DENND1A: variants seen among roughly 807,000 people sequenced by gnomAD.
The protein encoded by DENND1A is DENN domain containing 1A.
A neutral mutation model predicts 113.7 loss-of-function variants in DENND1A; 51 were observed. The ratio of observed to expected loss-of-function variants is 0.45; its 90% confidence interval spans 0.36 to 0.57. The LOEUF (loss-of-function observed/expected upper bound fraction) is 0.57, where lower values mean the gene tolerates loss of function less well. Among genes scored for constraint, DENND1A ranks in the 20% least tolerant of loss-of-function variants. The pLI, the probability that DENND1A is intolerant of heterozygous loss-of-function variation, is 0.00. For missense variants in DENND1A, 1,258 were observed against 1,395.9 expected, an observed-to-expected ratio of 0.90 and a Z score of 1.57; for synonymous variants, 565 against 570.8, an observed-to-expected ratio of 0.99 and a Z score of 0.14.
At chr9:123,750,098 T>C (rs1248087341) in intron 5 of DENND1A, among the ~76,000 whole-genome samples, 2 of 152,184 alleles carry the variant, frequency 1.3e-5, no homozygotes, top group South Asian at 2.1e-4. Flanking sequence ...CCAGCCCCCA[T>C]GGCCACTGCA....
At chr9:123,490,550 C>T (rs1293295425) in intron 13 of DENND1A, among the ~76,000 whole-genome samples, 1 of 152,046 alleles carries the variant, frequency 6.6e-6, no homozygotes, top group Non-Finnish European at 1.5e-5. Flanking sequence ...GATCATGCCA[C>T]TGCACTCCAG....
intron 9 of DENND1A, among the ~76,000 whole-genome samples, chr9:123,643,918 T>C (rs2062164131): frequency 6.6e-6 from 1 of 152,248 alleles, no homozygotes; most frequent in Non-Finnish European, 1.5e-5. Context: ...GCAGAGGTTC[T>C]TTATATTATT....
At chr9:123,782,276 C>T (rs569758297) in intron 3 of DENND1A, among the ~76,000 whole-genome samples, 6 of 152,066 alleles carry the variant, frequency 3.9e-5, no homozygotes, top group Admixed American at 6.6e-5. Flanking sequence ...ATGTTCTCAA[C>T]GCTTTACAAG....
chr9:123,755,450 T>C (rs1341124581), intron 5 of DENND1A, among the ~76,000 whole-genome samples: 1 of 151,722 alleles, frequency 6.6e-6, no homozygotes, highest in African/African-American at 2.4e-5. Flanking sequence ...GGCCAATATG[T>C]GGATTTTTTT....
intron 13 of DENND1A, chr9:123,485,656 G>GCGCGCGCGCGCACACACA (rs765633751): frequency 1.4e-5 from 2 of 141,156 alleles, no homozygotes; most frequent in East Asian, 4.1e-4. Context: ...GCGCGCGCGC[G>GCGCGCGCGCGCACACACA]CACACACACA....
intron 1 of DENND1A, among the ~76,000 whole-genome samples, chr9:123,903,395 C>T (rs1032503929): frequency 8.0e-5 from 12 of 150,890 alleles, no homozygotes; most frequent in African/African-American, 2.5e-4. Flanking sequence ...GGAACAGCCC[C>T]GGTATACAGC....
At chr9:123,762,384 A>C (rs576563459) in intron 4 of DENND1A, among the ~76,000 whole-genome samples, 1 of 152,308 alleles carries the variant, frequency 6.6e-6, no homozygotes, top group East Asian at 1.9e-4. Flanking sequence ...CTAAACCTTC[A>C]TGCTTCCTTT....
At chr9:123,900,068 G>C (rs1389004019) in intron 1 of DENND1A, among the ~76,000 whole-genome samples, 2 of 152,234 alleles carry the variant, frequency 1.3e-5, no homozygotes, top group East Asian at 3.9e-4. Flanking sequence ...TTACACCATA[G>C]ATAAAGCACA....
At chr9:123,531,600 C>G (rs1225253217) in intron 13 of DENND1A, among the ~76,000 whole-genome samples, 1 of 148,252 alleles carries the variant, frequency 6.7e-6, no homozygotes, top group African/African-American at 2.5e-5. Flanking sequence ...CACACACACA[C>G]ACAGAAGGCA....
At chr9:123,407,091 G>T (rs575728757) in intron 20 of DENND1A, among the ~76,000 whole-genome samples, 5 of 148,352 alleles carry the variant, frequency 3.4e-5, no homozygotes, top group Admixed American at 6.8e-5. Context: ...AAAGGAATGG[G>T]TTGGCAATCA....
chr9:123,893,022 AAAG>A (rs1850165186), intron 1 of DENND1A, among the ~76,000 whole-genome samples: 1 of 152,102 alleles, frequency 6.6e-6, no homozygotes, highest in South Asian at 2.1e-4. Flanking sequence ...TAAGAATAAA[AAAG>A]AATAAAGAAT....
chr9:123,879,030 G>T lies in DENND1A; in HGVS notation c.18-9C>A, dbSNP rs1847930309. 1.2e-6 allele frequency: 2 copies of T among 1,613,438 alleles called. No homozygotes were observed. Among genetic ancestry groups the T allele is most frequent in the Non-Finnish European group, 1.7e-6 (2 of 1,179,792 alleles). On this transcript the variant is annotated splice_polypyrimidine_tract_variant and intron_variant, in intron 1 of 23. Coordinates refer to ENST00000394215, the MANE Select transcript of DENND1A (RefSeq NM_001352964.2). ...TGGTCTCTGGATTCTGCCTACAAAA[G>T]AAACAGATCATGATTACTGACAAAG...
chr9:123,665,626 G>A (rs1482901470), intron 8 of DENND1A, among the ~76,000 whole-genome samples: 1 of 152,078 alleles, frequency 6.6e-6, no homozygotes, highest in African/African-American at 2.4e-5. Flanking sequence ...TTTCCTTTCT[G>A]TGAATCTACA....
At chr9:123,493,852 A>G (rs2051613797) in intron 13 of DENND1A, among the ~76,000 whole-genome samples, 2 of 151,988 alleles carry the variant, frequency 1.3e-5, no homozygotes, top group Admixed American at 6.6e-5. Context: ...CGCCCCCTCC[A>G]TTGCTTCACC....
chr9:123,631,902 T>C (rs2061491601), intron 9 of DENND1A, among the ~76,000 whole-genome samples: 1 of 152,196 alleles, frequency 6.6e-6, no homozygotes, highest in African/African-American at 2.4e-5. Flanking sequence ...CTTTTGGAGA[T>C]ATAGGTATGA....
At chr9:123,493,606 C>T (rs1262254199) in intron 13 of DENND1A, among the ~76,000 whole-genome samples, 1 of 152,186 alleles carries the variant, frequency 6.6e-6, no homozygotes, top group Non-Finnish European at 1.5e-5. Context: ...AGTCCCTGCC[C>T]TATGCTCTTC....
rs1564425444 is a variant in DENND1A at position 123,403,503 on chromosome 9, C to G, written c.1543-13G>C. 1.2e-6 allele frequency: 2 copies of G among 1,612,588 alleles called. No individual in the cohort carries two copies. The highest frequency in any genetic ancestry group is 1.7e-6 in the Non-Finnish European group (2 of 1,178,998). On this transcript the variant is annotated splice_polypyrimidine_tract_variant and intron_variant, in intron 20 of 23. Transcript: ENST00000394215. ...GAGGTGGGCGCACCTAGAGGAGGTA[C>G]AGGGGGAGAGCCCCAAGAAGGAGTG...
chr9:123,747,359 T>G (rs1030738653), intron 5 of DENND1A, among the ~76,000 whole-genome samples: 3 of 152,160 alleles, frequency 2.0e-5, no homozygotes. Flanking sequence ...ACCACTTTAC[T>G]TCAAAGGCAT....
chr9:123,503,561 C>A (rs376571091), intron 13 of DENND1A, among the ~76,000 whole-genome samples: 1 of 152,160 alleles, frequency 6.6e-6, no homozygotes, highest in African/African-American at 2.4e-5. Context: ...ATCGGACTCA[C>A]GTAAAACTCA....
Sources: allele counts gnomAD v4.1 joint callset (sites outside exome capture counted in the v4.1 genomes callset), GRCh38; gene constraint gnomAD v4.1.1; transcripts MANE v1.5; gene names NCBI Gene and HGNC (gene_info 2026-07-23, HGNC 2026-07-21).